CALN1: variants seen among roughly 807,000 people sequenced by gnomAD.
CALN1 encodes calcium-binding protein 8.
Under a neutral mutation model 30.6 loss-of-function variants are expected in CALN1, and 17 were observed. The observed-to-expected ratio is 0.56, with a 90% confidence interval of 0.38 to 0.83. The LOEUF is 0.83. CALN1 is among the 40% of genes least tolerant of loss of function. CALN1 has a pLI of 0.00. For missense variants in CALN1, 291 were observed against 354.9 expected (o/e 0.82, Z 1.45); for synonymous variants, 156 against 131.4 (o/e 1.19, Z -1.28).
At chr7:71,798,615 C>CTTTTTT (rs34161533) in intron 6 of CALN1, among the ~76,000 whole-genome samples, 3 of 114,828 alleles carry the variant, frequency 2.6e-5, no homozygotes, top group African/African-American at 3.6e-5. Context: ...TGGTAAGAGT[C>CTTTTTT]TTTTTTTTTT....
the CALN1 span, among the ~76,000 whole-genome samples, chr7:72,477,881 C>T: frequency 6.6e-6 from 1 of 152,154 alleles, no homozygotes; most frequent in Non-Finnish European, 1.5e-5. Flanking sequence ...CCCAGGAATA[C>T]TCGCCTTTAT....
chr7:72,337,603 A>T (rs962321828), intron 2 of CALN1: 4 of 152,946 alleles, frequency 2.6e-5, no homozygotes, highest in South Asian at 2.1e-4. Flanking sequence ...CGCCGCCTTC[A>T]CTACTTCATC....
At chr7:72,296,494 G>T (rs914688426) in intron 2 of CALN1, among the ~76,000 whole-genome samples, 8 of 151,596 alleles carry the variant, frequency 5.3e-5, no homozygotes, top group Non-Finnish European at 1.2e-4. Flanking sequence ...TCTGGTCCTG[G>T]ACTCCTTTTG....
intron 2 of CALN1, among the ~76,000 whole-genome samples, chr7:72,367,245 G>C (rs1180209485): frequency 6.6e-6 from 1 of 152,138 alleles, no homozygotes; most frequent in Non-Finnish European, 1.5e-5. Flanking sequence ...CAAACACTTT[G>C]GGAGGCTGAG....
intron 2 of CALN1, among the ~76,000 whole-genome samples, chr7:72,386,518 G>A (rs1279973200): frequency 1.3e-5 from 2 of 152,218 alleles, no homozygotes; most frequent in South Asian, 2.1e-4. Flanking sequence ...CAAATAAATG[G>A]TGGATGGTAG....
chr7:72,370,892 A>C (rs923181443), intron 2 of CALN1, among the ~76,000 whole-genome samples: 1 of 151,584 alleles, frequency 6.6e-6, no homozygotes, highest in African/African-American at 2.4e-5. Flanking sequence ...CTAAAAATAC[A>C]AAAAAATTAG....
At chr7:72,115,828 T>TCC (rs1024054868) in intron 3 of CALN1, among the ~76,000 whole-genome samples, 2 of 151,882 alleles carry the variant, frequency 1.3e-5, no homozygotes, top group Non-Finnish European at 2.9e-5. Context: ...TTCTCTCCCC[T>TCC]CCTTCCTTAC....
chr7:72,148,254 T>C (rs1585040219), intron 3 of CALN1, among the ~76,000 whole-genome samples: 1 of 134,960 alleles, frequency 7.4e-6, no homozygotes. Context: ...TCACATCAAA[T>C]GTGGTTGTTT....
intron 5 of CALN1, among the ~76,000 whole-genome samples, chr7:71,908,622 A>G (rs1256349036): frequency 2.6e-5 from 4 of 152,210 alleles, no homozygotes; most frequent in Non-Finnish European, 5.9e-5. Flanking sequence ...ACAACGATGC[A>G]TAACTAGCTG....
chr7:72,279,897 G>A (rs1379416885), intron 2 of CALN1, among the ~76,000 whole-genome samples: 1 of 152,216 alleles, frequency 6.6e-6, no homozygotes, highest in East Asian at 1.9e-4. Context: ...AGGAAGCACA[G>A]GAGTCAATCA....
chr7:72,403,641 G>A lies in CALN1; in HGVS notation c.-73-199C>T, dbSNP rs543058265. Among the ~76,000 whole-genome samples, 18 of 152,270 alleles carry A rather than the reference G, an allele frequency of 1.2e-4. No individual in the cohort carries two copies. The South Asian group carries it at 2.3e-3, about 19-fold the overall frequency. ...AATAAGGCCTCAATGTCACCAGAGG[G>A]TATTGCACAACAAGCCAATAATGGG... On this transcript the variant is annotated intron_variant, in intron 1 of 6. Coordinates refer to ENST00000395275, the MANE Select transcript of CALN1 (RefSeq NM_031468.4).
intron 6 of CALN1, 84 bp from the exon 7 acceptor site, chr7:71,787,986 TG>T: frequency 6.3e-7 from 1 of 1,582,562 alleles, no homozygotes; most frequent in Non-Finnish European, 8.6e-7. Flanking sequence ...TGAGATAGGT[TG>T]CAACTCTTCC....
intron 5 of CALN1, among the ~76,000 whole-genome samples, chr7:71,813,677 C>T (rs183050541): frequency 1.2e-3 from 189 of 152,282 alleles, no homozygotes; most frequent in African/African-American, 4.1e-3. Flanking sequence ...CGCCTGTCAT[C>T]CTAGCACTTT....
the CALN1 span, among the ~76,000 whole-genome samples, chr7:72,460,870 C>G: frequency 6.6e-6 from 1 of 152,124 alleles, no homozygotes; most frequent in Non-Finnish European, 1.5e-5. Flanking sequence ...TTTGCTTCCC[C>G]CCACGGCAGG....
At chr7:72,329,753 A>C (rs1352907849) in intron 2 of CALN1, among the ~76,000 whole-genome samples, 1 of 151,568 alleles carries the variant, frequency 6.6e-6, no homozygotes, top group Admixed American at 6.6e-5. Flanking sequence ...CAGGAGTTCG[A>C]GACCAGCGCG....
chr7:72,458,285 T>A, the CALN1 span, among the ~76,000 whole-genome samples: 70 of 51,070 alleles, frequency 1.4e-3, 1 homozygote, highest in South Asian at 0.011. Flanking sequence ...ATAATATATT[T>A]TATAATATAT....
chr7:72,216,441 T>C (rs1792820653), intron 3 of CALN1, among the ~76,000 whole-genome samples: 1 of 151,586 alleles, frequency 6.6e-6, no homozygotes, highest in African/African-American at 2.4e-5. Flanking sequence ...GATAAATAAA[T>C]ACATATATCT....
intron 3 of CALN1, among the ~76,000 whole-genome samples, chr7:72,186,805 T>C (rs2129546507): frequency 6.6e-6 from 1 of 151,708 alleles, no homozygotes; most frequent in South Asian, 2.1e-4. Flanking sequence ...CTTTATGCAG[T>C]CCACCACTGA....
chr7:72,422,405 A>T (rs755731434), intron 1 of CALN1, among the ~76,000 whole-genome samples: 2 of 152,190 alleles, frequency 1.3e-5, no homozygotes, highest in African/African-American at 2.4e-5. Context: ...TTGAGTAACC[A>T]CAAGCCCCCC....
Sources: gnomAD v4.1 joint callset for allele counts (sites outside exome capture counted in the v4.1 genomes callset) on GRCh38, gnomAD v4.1.1 for gene constraint, MANE v1.5 for transcripts, NCBI Gene and HGNC (gene_info 2026-07-23, HGNC 2026-07-21) for gene names.